The following FAAH2 variants were observed in gnomAD, a reference collection of about 807,000 sequenced individuals.
FAAH2 encodes the protein fatty-acid amide hydrolase 2.
A neutral mutation model predicts 36.9 loss-of-function variants in FAAH2; 60 were observed. The ratio of observed to expected loss-of-function variants is 1.63; its 90% CI spans 1.32 to 2.02. The LOEUF (loss-of-function observed/expected upper bound fraction) is 2.02. Ranked by LOEUF, FAAH2 falls within the 30% of genes most tolerant of loss-of-function variation. The pLI, the probability that FAAH2 is intolerant of heterozygous loss-of-function variation, is 0.00. For missense variants in FAAH2, 689 were observed against 397.5 expected (o/e 1.73, Z -6.23); for synonymous variants, 214 against 143.8 (o/e 1.49, Z -3.49).
intron 4 of FAAH2, among the ~76,000 whole-genome samples, chrX:57,332,732 T>C (rs1228507269): frequency 1.8e-5 from 2 of 112,096 alleles, no homozygotes; most frequent in Admixed American, 1.9e-4. Context: ...ACTGTGTTCC[T>C]GAGTGAAGAT....
intron 7 of FAAH2, among the ~76,000 whole-genome samples, chrX:57,404,807 T>A (rs1463875853): frequency 5.4e-5 from 6 of 111,925 alleles, no homozygotes; most frequent in Non-Finnish European, 1.1e-4. Flanking sequence ...CCAGGAGGTA[T>A]GGGTCAGAAG....
At chrX:57,438,166 T>A (rs1475193166) in intron 8 of FAAH2, among the ~76,000 whole-genome samples, 1 of 105,608 alleles carries the variant, frequency 9.5e-6, no homozygotes, top group African/African-American at 3.4e-5. Flanking sequence ...TATACACACA[T>A]ATACACAGTA....
intron 10 of FAAH2, among the ~76,000 whole-genome samples, chrX:57,473,766 C>T (rs1483509412): frequency 9.0e-6 from 1 of 110,790 alleles, no homozygotes; most frequent in Non-Finnish European, 1.9e-5. Flanking sequence ...TATATAATGA[C>T]CTTATTTATA....
intron 5 of FAAH2, among the ~76,000 whole-genome samples, chrX:57,357,441 A>T (rs954686143): frequency 2.7e-5 from 3 of 111,976 alleles, no homozygotes; most frequent in Non-Finnish European, 5.6e-5. Context: ...TCCATCTGAC[A>T]AAGGGCTAAT....
At chrX:57,335,066 A>G (rs1001364040) in intron 4 of FAAH2, among the ~76,000 whole-genome samples, 2 of 112,166 alleles carry the variant, frequency 1.8e-5, no homozygotes, top group African/African-American at 6.5e-5. Context: ...ATCATCACAT[A>G]GCACTTACTC....
At chrX:57,483,007 T>C (rs1334557642) in intron 10 of FAAH2, among the ~76,000 whole-genome samples, 1 of 110,781 alleles carries the variant, frequency 9.0e-6, no homozygotes, top group African/African-American at 3.3e-5. Flanking sequence ...TTATTTTAAA[T>C]AATATCTCAC....
At chrX:57,407,742 G>A (rs757749048) in intron 7 of FAAH2, among the ~76,000 whole-genome samples, 1 of 111,667 alleles carries the variant, frequency 9.0e-6, no homozygotes, top group African/African-American at 3.3e-5. Flanking sequence ...CTCCAAACTC[G>A]AATCAGAAAG....
intron 8 of FAAH2, among the ~76,000 whole-genome samples, chrX:57,445,541 T>C (rs2056656766): frequency 8.9e-6 from 1 of 111,736 alleles, no homozygotes; most frequent in Non-Finnish European, 1.9e-5. Context: ...GTCAGAAGTT[T>C]GGGAATCCTC....
Position 57,452,053 on chromosome X carries a change from G to A in FAAH2, c.1423+3335G>A, listed in dbSNP as rs757926895. The A allele has an allele frequency of 2.6e-4, 96 of 369,011 alleles. 1 individual carries two copies. Among genetic ancestry groups the A allele is most frequent in the African/African-American group, 2.6e-3 (93 of 36,017 alleles). 30.4% of individuals were successfully genotyped at this position (369,011 alleles called of 1,213,427 possible). ...CTATATGTCATAATAATTGGGAGAG[G>A]TGATTACCAGGACAGATGGAAGGAA... On this transcript the variant is annotated intron_variant, in intron 10 of 10. Transcript: ENST00000374900.
intron 7 of FAAH2, among the ~76,000 whole-genome samples, chrX:57,405,880 C>T (rs372418372): frequency 1.9e-5 from 2 of 106,128 alleles, no homozygotes; most frequent in East Asian, 5.9e-4. Flanking sequence ...TTTTGGTTTT[C>T]AACTTTCTCT....
chrX:57,482,043 G>A (rs1355172284), intron 10 of FAAH2, among the ~76,000 whole-genome samples: 1 of 111,549 alleles, frequency 9.0e-6, no homozygotes, highest in Non-Finnish European at 1.9e-5. Flanking sequence ...GCTTTCAGGG[G>A]AAAACTGCCT....
At chrX:57,200,585 G>A in the FAAH2 span, among the ~76,000 whole-genome samples, 1 of 110,455 alleles carries the variant, frequency 9.1e-6, no homozygotes, top group Admixed American at 9.6e-5. Context: ...CACCATATTG[G>A]CCAGGATGGT....
intron 8 of FAAH2, among the ~76,000 whole-genome samples, chrX:57,435,772 G>A (rs773175686): frequency 1.1e-3 from 125 of 111,015 alleles, no homozygotes; most frequent in Admixed American, 6.7e-3. Context: ...CGCACTCACA[G>A]CATTAGACAT....
chrX:57,379,575 G>A (rs760004690), intron 6 of FAAH2, among the ~76,000 whole-genome samples: 27 of 107,679 alleles, frequency 2.5e-4, no homozygotes, highest in Non-Finnish European at 3.7e-4. Flanking sequence ...ACACGTGTGC[G>A]CACCCTTCTC....
intron 5 of FAAH2, among the ~76,000 whole-genome samples, chrX:57,375,015 G>A (rs2054636010): frequency 1.8e-5 from 2 of 111,149 alleles, no homozygotes; most frequent in Non-Finnish European, 3.8e-5. Context: ...TCCATTTAAT[G>A]ACACAAGTCA....
At chrX:57,407,710 G>A (rs1180921882) in intron 7 of FAAH2, among the ~76,000 whole-genome samples, 1 of 111,708 alleles carries the variant, frequency 9.0e-6, no homozygotes, top group South Asian at 3.8e-4. Flanking sequence ...AAGCCTGGAA[G>A]GGGCTCGCAT....
intron 5 of FAAH2, among the ~76,000 whole-genome samples, chrX:57,373,542 A>G (rs2147187927): frequency 9.0e-6 from 1 of 110,813 alleles, no homozygotes; most frequent in Non-Finnish European, 1.9e-5. Context: ...AGAATTGTCT[A>G]TTCATGTCCT....
chrX:57,223,170 G>C, the FAAH2 span, among the ~76,000 whole-genome samples: 1 of 112,034 alleles, frequency 8.9e-6, no homozygotes, highest in East Asian at 2.8e-4. Context: ...AAGCTGCCAG[G>C]CTTCTACAGA....
intron 7 of FAAH2, among the ~76,000 whole-genome samples, chrX:57,400,460 T>C (rs2055405123): frequency 8.9e-6 from 1 of 112,635 alleles, no homozygotes; most frequent in African/African-American, 3.2e-5. Flanking sequence ...TCTTGCCCTG[T>C]TGGCATGCTT....
Sources: gnomAD v4.1 joint callset for allele counts (sites outside exome capture counted in the v4.1 genomes callset) on GRCh38, gnomAD v4.1.1 for gene constraint, MANE v1.5 for transcripts, NCBI Gene and HGNC (gene_info 2026-07-23, HGNC 2026-07-21) for gene names.